Variants in EZH1 observed in about 807,000 individuals in gnomAD.
EZH1 encodes the protein histone-lysine N-methyltransferase EZH1.
A neutral mutation model predicts 100.5 loss-of-function variants in EZH1; 33 were observed. That is an observed-to-expected ratio of 0.33 (90% CI 0.25 to 0.44). The LOEUF (loss-of-function observed/expected upper bound fraction) is 0.44. Among genes scored for constraint, EZH1 ranks in the 20% least tolerant of loss-of-function variants. The pLI is 1.00. For synonymous variants in EZH1, 272 were observed against 313.8 expected (o/e 0.87, Z 1.41); for missense variants, 475 against 928.4 (o/e 0.51, Z 6.35).
chr17:42,735,117 C>G (rs1254971123), intron 1 of EZH1, among the ~76,000 whole-genome samples: 6 of 152,116 alleles, frequency 3.9e-5, no homozygotes, highest in Admixed American at 3.9e-4. Flanking sequence ...TGGAATAGAA[C>G]ATAATCTACA....
chr17:42,723,749 C>T (rs1366152919), intron 5 of EZH1, among the ~76,000 whole-genome samples: 1 of 152,210 alleles, frequency 6.6e-6, no homozygotes, highest in Non-Finnish European at 1.5e-5. Context: ...ACCTCGACCT[C>T]ATTCCAACCA....
intron 10 of EZH1, among the ~76,000 whole-genome samples, chr17:42,715,149 T>G (rs2053575276): frequency 1.4e-5 from 2 of 141,948 alleles, no homozygotes; most frequent in African/African-American, 5.2e-5. Flanking sequence ...ATATATTATA[T>G]ATTATAGATT....
At chr17:42,738,941 A>G (rs931205854) in intron 1 of EZH1, among the ~76,000 whole-genome samples, 6 of 151,150 alleles carry the variant, frequency 4.0e-5, no homozygotes, top group Non-Finnish European at 7.4e-5. Context: ...TATTTTTAGT[A>G]GAGGCGGGGT....
chr17:42,743,862 T>C (rs2054226278), intron 1 of EZH1, among the ~76,000 whole-genome samples: 1 of 152,104 alleles, frequency 6.6e-6, no homozygotes, highest in Non-Finnish European at 1.5e-5. Flanking sequence ...TAGACAAGCT[T>C]TCACAGAAAC....
Position 42,703,800 on chromosome 17 carries a change from G to A in EZH1, c.2038C>T (p.Arg680Trp). 1.2e-6 allele frequency: 2 copies of A among 1,613,834 alleles called. No homozygotes were observed. Among genetic ancestry groups the A allele is most frequent in the Non-Finnish European group, 1.7e-6 (2 of 1,179,792 alleles). ...LNNDFVVDAT[R>W]KGNKIRFANH... ...GCAAATCGAATTTTGTTTCCTTTCC[G>A]AGTAGCATCCACTACAAAATCTGTA... The change falls in exon 19 of 21, where the codon CGG (arginine) becomes TGG (tryptophan). Residue 680 changes from arginine (R) to tryptophan (W), a missense_variant. Transcript: ENST00000428826.
chr17:42,730,302 C>G (rs2053914345), intron 2 of EZH1, among the ~76,000 whole-genome samples: 1 of 151,932 alleles, frequency 6.6e-6, no homozygotes, highest in African/African-American at 2.4e-5. Context: ...AAAGATCCAC[C>G]CATGCTACAA....
chr17:42,734,270 C>A (rs978018884), intron 1 of EZH1, among the ~76,000 whole-genome samples: 2 of 151,972 alleles, frequency 1.3e-5, no homozygotes, highest in African/African-American at 4.8e-5. Flanking sequence ...AAACTCCTGG[C>A]CTCAAGTGAT....
chr17:42,735,440 T>C (rs778699799), intron 1 of EZH1, among the ~76,000 whole-genome samples: 8 of 152,004 alleles, frequency 5.3e-5, no homozygotes, highest in East Asian at 1.9e-4. Flanking sequence ...GATGGATTCA[T>C]TGGTGTTGGG....
intron 10 of EZH1, among the ~76,000 whole-genome samples, chr17:42,716,143 A>G (rs1212647957): frequency 6.6e-6 from 1 of 152,000 alleles, no homozygotes; most frequent in East Asian, 1.9e-4. Flanking sequence ...ACACAAAAAT[A>G]CCTATTCTTG....
intron 16 of EZH1, 65 bp from the exon 17 acceptor site, chr17:42,705,248 G>A: frequency 1.2e-6 from 1 of 805,478 alleles, no homozygotes; most frequent in Non-Finnish European, 2.1e-6. Flanking sequence ...TGTGCTGGAT[G>A]TGCACATGTG....
chr17:42,704,820 G>T, intron 17 of EZH1, 137 bp from the exon 18 acceptor site: 2 of 728,118 alleles, frequency 2.7e-6, no homozygotes, highest in South Asian at 3.7e-5. Context: ...AAGAGAGCAA[G>T]TTCAAGTTAT....
chr17:42,720,436 T>C lies in EZH1; in HGVS notation c.501A>G (p.Gly167=), dbSNP rs2143796174. 1 of 1,608,630 alleles carries C rather than the reference T, an allele frequency of 6.2e-7. No individual in the cohort carries two copies. Among genetic ancestry groups the C allele is most frequent in the Middle Eastern group, 1.7e-4 (1 of 6,032 alleles). The part of the protein sequence containing the change: ...KVHGEEEMIP[G]SVLISDAVFL... ...AAACAGCATCACTAATCAGAACGGA[T>C]CCAGGGATCATCTCTGAAACATGAG... is the stretch of plus-strand genomic sequence containing the variant. The change falls in exon 7 of 21, where the codon GGA becomes GGG. Residue 167 remains glycine (G), a synonymous_variant. Coordinates refer to ENST00000428826, the MANE Select transcript of EZH1 (RefSeq NM_001991.5).
Position 42,702,422 on chromosome 17 carries a change from G to A in EZH1, c.*110C>T, listed in dbSNP as rs2053260555. 1.1e-6 allele frequency: 1 copy of A among 908,110 alleles called. No homozygotes were observed. Among genetic ancestry groups the A allele is most frequent in the African/African-American group, 1.6e-5 (1 of 60,648 alleles). 56.3% of individuals were successfully genotyped at this position (908,110 alleles called of 1,614,324 possible). On this transcript the variant is annotated 3_prime_UTR_variant, in exon 21 of 21. Transcript: ENST00000428826. ...CTCACTACAGAGGGAGTGGGTTGGG[G>A]GGTTTCTCAGTGTGGGAGACACAGT...
At chr17:42,710,638 T>G (rs1171844551) in intron 12 of EZH1, among the ~76,000 whole-genome samples, 5 of 150,858 alleles carry the variant, frequency 3.3e-5, no homozygotes, top group South Asian at 2.1e-4. Flanking sequence ...TGTTTTTTTT[T>G]TTTTTTTTTA....
intron 10 of EZH1, among the ~76,000 whole-genome samples, chr17:42,716,709 T>A (rs145575735): frequency 7.4e-4 from 112 of 152,216 alleles, no homozygotes; most frequent in African/African-American, 2.2e-3. Flanking sequence ...TATTATTATT[T>A]TTTTTTTGAG....
chr17:42,702,979 C>T lies in EZH1; in HGVS notation c.2099-18G>A. 2 of 1,613,780 alleles carry T rather than the reference C, an allele frequency of 1.2e-6. No homozygotes were observed. Among genetic ancestry groups the T allele is most frequent in the African/African-American group, 2.7e-5 (2 of 75,042 alleles). On this transcript the variant is annotated intron_variant, in intron 19 of 20. Coordinates refer to ENST00000428826, the MANE Select transcript of EZH1 (RefSeq NM_001991.5). ...CATGACCACTGCAAGCAGGATAAAC[C>T]CGAGGCTAGGTTCCTACCCAACTCC...
At chr17:42,708,732 C>G in intron 14 of EZH1, 144 bp downstream of exon 14, 1 of 839,498 alleles carries the variant, frequency 1.2e-6, no homozygotes, top group South Asian at 1.5e-5. Flanking sequence ...GTGAGAGGCT[C>G]AGCTGTTCTC....
At chr17:42,737,977 C>T (rs926961491) in intron 1 of EZH1, among the ~76,000 whole-genome samples, 23 of 152,064 alleles carry the variant, frequency 1.5e-4, no homozygotes, top group African/African-American at 4.6e-4. Context: ...GAGATCAAGA[C>T]CATCCTGGGT....
Position 42,705,181 on chromosome 17 carries a change from G to A in EZH1, c.1842C>T (p.His614=), listed in dbSNP as rs752090411. The part of the protein sequence containing the change: ...NCSIQRGLKK[H]LLLAPSDVAG... Reference sequence around the variant, plus strand: ...CCACATCAGAGGGGGCCAGCAGCAGGTGCTGGGGAAGAGGGGGCCAAGTCT... The same window carrying A: ...CCACATCAGAGGGGGCCAGCAGCAGATGCTGGGGAAGAGGGGGCCAAGTCT... Residue 614 remains histidine, a splice_region_variant and synonymous_variant, in exon 17 of 21, where the codon CAC becomes CAT. Transcript: ENST00000428826. The A allele has an allele frequency of 1.3e-5, 21 of 1,611,310 alleles. No individual in the cohort carries two copies. The highest frequency in any genetic ancestry group is 1.8e-5 in the Non-Finnish European group (21 of 1,178,416).
Sources: allele counts gnomAD v4.1 joint callset (sites outside exome capture counted in the v4.1 genomes callset), GRCh38; gene constraint gnomAD v4.1.1; transcripts MANE v1.5; gene names NCBI Gene and HGNC (gene_info 2026-07-23, HGNC 2026-07-21).